The following PTPRK variants were observed in gnomAD, a reference collection of about 807,000 sequenced individuals.
PTPRK encodes protein tyrosine phosphatase receptor type K.
Under a neutral mutation model 178.0 loss-of-function variants are expected in PTPRK, and 75 were observed. That is an observed-to-expected ratio of 0.42 (90% CI 0.35 to 0.51). The LOEUF (loss-of-function observed/expected upper bound fraction) is 0.51. Among genes scored for constraint, PTPRK ranks in the 20% least tolerant of loss-of-function variants. The pLI, the probability that PTPRK is intolerant of heterozygous loss-of-function variation, is 0.02. For synonymous variants in PTPRK, 637 were observed against 620.6 expected (o/e 1.03, Z -0.39); for missense variants, 1,441 against 1,797.8 (o/e 0.80, Z 3.59).
At chr6:128,511,749 G>A (rs1857218765) in intron 1 of PTPRK, among the ~76,000 whole-genome samples, 1 of 152,122 alleles carries the variant, frequency 6.6e-6, no homozygotes, top group South Asian at 2.1e-4. Context: ...TTAAACATTT[G>A]TGTACATTCA....
intron 1 of PTPRK, among the ~76,000 whole-genome samples, chr6:128,420,632 G>T (rs1226800405): frequency 6.6e-6 from 1 of 152,194 alleles, no homozygotes; most frequent in Non-Finnish European, 1.5e-5. Flanking sequence ...CAAGCAAAGT[G>T]ATGTGAGCAT....
intron 7 of PTPRK, among the ~76,000 whole-genome samples, chr6:128,158,466 T>G (rs530115994): frequency 8.6e-4 from 131 of 152,048 alleles, no homozygotes; most frequent in Non-Finnish European, 1.6e-3. Context: ...GAACAGCTTC[T>G]CTGTCTAGTT....
intron 6 of PTPRK, among the ~76,000 whole-genome samples, chr6:128,218,313 A>G (rs1451597661): frequency 6.6e-6 from 1 of 152,244 alleles, no homozygotes; most frequent in African/African-American, 2.4e-5. Flanking sequence ...AAATGAATGT[A>G]ATATGTGTTT....
intron 6 of PTPRK, among the ~76,000 whole-genome samples, chr6:128,218,368 T>C (rs1205681956): frequency 6.6e-6 from 1 of 152,212 alleles, no homozygotes; most frequent in Non-Finnish European, 1.5e-5. Context: ...TGTACTGATA[T>C]GTCATAATCC....
intron 3 of PTPRK, among the ~76,000 whole-genome samples, chr6:128,254,461 C>A (rs948157930): frequency 6.6e-6 from 1 of 151,996 alleles, no homozygotes; most frequent in African/African-American, 2.4e-5. Flanking sequence ...TATCCCAGAA[C>A]GACTAAAAAT....
At chr6:128,347,585 A>G (rs1004916906) in intron 2 of PTPRK, among the ~76,000 whole-genome samples, 1 of 152,110 alleles carries the variant, frequency 6.6e-6, no homozygotes, top group Non-Finnish European at 1.5e-5. Context: ...TTTAAACTGT[A>G]AAAGTCCCCA....
At chr6:128,176,152 C>CATAT (rs1215861843) in intron 7 of PTPRK, among the ~76,000 whole-genome samples, 1 of 151,608 alleles carries the variant, frequency 6.6e-6, no homozygotes, top group African/African-American at 2.4e-5. Context: ...AGAGTGTGTA[C>CATAT]ATATATATAT....
chr6:127,995,569 T>C, intron 17 of PTPRK, 31 bp from the exon 18 acceptor site: 1 of 1,378,128 alleles, frequency 7.3e-7, no homozygotes, highest in South Asian at 1.3e-5. Context: ...ATATAAGCTG[T>C]TAAATTTTCC....
intron 7 of PTPRK, among the ~76,000 whole-genome samples, chr6:128,156,398 G>A (rs550451139): frequency 1.8e-3 from 269 of 152,008 alleles, no homozygotes; most frequent in Non-Finnish European, 3.0e-3. Context: ...GGCTTAACAG[G>A]AAGCATGGCT....
At chr6:128,301,600 T>C (rs1173576187) in intron 3 of PTPRK, among the ~76,000 whole-genome samples, 1 of 152,162 alleles carries the variant, frequency 6.6e-6, no homozygotes, top group African/African-American at 2.4e-5. Context: ...GCATATAGTA[T>C]CTTCATTTTT....
At chr6:128,128,803 T>A (rs1002086257) in intron 7 of PTPRK, among the ~76,000 whole-genome samples, 8 of 152,234 alleles carry the variant, frequency 5.3e-5, no homozygotes, top group African/African-American at 1.9e-4. Context: ...CATTCTTTTC[T>A]AATGCTAGAG....
rs1187986953 is a variant in PTPRK at position 127,991,331 on chromosome 6, C to G, written c.2942G>C (p.Cys981Ser). 1 of 1,601,460 alleles carries G rather than the reference C, an allele frequency of 6.2e-7. No individual in the cohort carries two copies. The highest frequency in any genetic ancestry group is 8.5e-7 in the Non-Finnish European group (1 of 1,174,158). Residue 981 changes from cysteine (C) to serine (S), a missense_variant, in exon 20 of 30, where the codon TGC becomes TCC. By Grantham distance (112) the Cys-to-Ser change is moderately radical. Coordinates refer to ENST00000368226, the MANE Select transcript of PTPRK (RefSeq NM_002844.4). ...AACTAAATTTGTAACCATCACAATG[C>G]AAGCAGATTGTTCTTGCCAAATCAT... ...WRMIWQEQSA[C>S]IVMVTNLVEV...
intron 25 of PTPRK, among the ~76,000 whole-genome samples, chr6:127,979,547 G>T (rs1344675370): frequency 6.6e-6 from 1 of 152,200 alleles, no homozygotes; most frequent in African/African-American, 2.4e-5. Context: ...TGATTTCAGT[G>T]GATGTGATTA....
In PTPRK at chr6:128,067,796, T is replaced by C. The variant is rs1479354657; in HGVS notation, c.1884-4A>G. ...TTCCACAACAATCTGATAAGCACTTTGGGGAAAAGAAAAAAAGAACACACA... is the reference window on the plus strand; with the variant it reads ...TTCCACAACAATCTGATAAGCACTTCGGGGAAAAGAAAAAAAGAACACACA... On this transcript the variant is annotated splice_polypyrimidine_tract_variant and splice_region_variant and intron_variant, in intron 11 of 29. Coordinates refer to ENST00000368226, the MANE Select transcript of PTPRK (RefSeq NM_002844.4). 2 of 1,571,268 alleles carry C rather than the reference T, an allele frequency of 1.3e-6. No individual in the cohort carries two copies. The highest frequency in any genetic ancestry group is 1.9e-5 in the Admixed American group (1 of 53,578).
At chr6:128,301,732 C>G (rs1316555452) in intron 3 of PTPRK, among the ~76,000 whole-genome samples, 1 of 152,050 alleles carries the variant, frequency 6.6e-6, no homozygotes, top group Admixed American at 6.6e-5. Flanking sequence ...TTTAATTCAT[C>G]TGAATATACA....
At chr6:128,288,481 T>C (rs1236172497) in intron 3 of PTPRK, among the ~76,000 whole-genome samples, 2 of 152,162 alleles carry the variant, frequency 1.3e-5, no homozygotes, top group Non-Finnish European at 1.5e-5. Flanking sequence ...TGAAGAATCC[T>C]AGAATTTCCA....
intron 1 of PTPRK, among the ~76,000 whole-genome samples, chr6:128,457,639 A>G (rs1436531846): frequency 6.6e-6 from 1 of 152,152 alleles, no homozygotes; most frequent in African/African-American, 2.4e-5. Flanking sequence ...TCTTTTCTGC[A>G]TCCTCCACAA....
intron 5 of PTPRK, chr6:128,238,185 C>CAAAAAAAAAAAAAAAAAAAAAGAA: frequency 4.9e-6 from 1 of 203,782 alleles, no homozygotes; most frequent in Non-Finnish European, 9.2e-6. Flanking sequence ...TAGCAAACGC[C>CAAAAAAAAAAAAAAAAAAAAAGAA]AAAAAAAAAA....
intron 3 of PTPRK, among the ~76,000 whole-genome samples, chr6:128,243,996 A>G (rs998752118): frequency 6.6e-6 from 1 of 152,180 alleles, no homozygotes; most frequent in Non-Finnish European, 1.5e-5. Context: ...AAGGAAAGAT[A>G]AAAATAATAC....
Sources: allele counts gnomAD v4.1 joint callset (sites outside exome capture counted in the v4.1 genomes callset), GRCh38; gene constraint gnomAD v4.1.1; transcripts MANE v1.5; gene names NCBI Gene and HGNC (gene_info 2026-07-23, HGNC 2026-07-21).